The following PCOLCE2 variants were observed in gnomAD, a reference collection of about 807,000 sequenced individuals.
PCOLCE2 encodes procollagen C-proteinase enhancer 2.
Under a neutral mutation model 47.0 loss-of-function variants are expected in PCOLCE2, and 42 were observed. That is an observed-to-expected ratio of 0.89 (90% confidence interval 0.70 to 1.16). The LOEUF (loss-of-function observed/expected upper bound fraction) is 1.16. Ranked by LOEUF, PCOLCE2 falls within the 50% of genes most tolerant of loss-of-function variation. The pLI is 0.00. For synonymous variants in PCOLCE2, 169 were observed against 191.7 expected, an observed-to-expected ratio of 0.88 and a Z score of 0.98; for missense variants, 500 against 526.1, an observed-to-expected ratio of 0.95 and a Z score of 0.49.
At chr3:142,834,188 A>G (rs1461608784) in intron 5 of PCOLCE2, among the ~76,000 whole-genome samples, 1 of 152,164 alleles carries the variant, frequency 6.6e-6, no homozygotes, top group Non-Finnish European at 1.5e-5. Context: ...TGTCTTAATT[A>G]CAACAGCTTT....
intron 2 of PCOLCE2, among the ~76,000 whole-genome samples, chr3:142,883,659 T>C (rs1933668493): frequency 6.6e-6 from 1 of 151,360 alleles, no homozygotes; most frequent in Non-Finnish European, 1.5e-5. Flanking sequence ...CCTCAGGTGA[T>C]CCACCTGCCT....
intron 2 of PCOLCE2, among the ~76,000 whole-genome samples, chr3:142,881,224 A>G (rs1414830640): frequency 6.6e-6 from 1 of 152,198 alleles, no homozygotes; most frequent in Non-Finnish European, 1.5e-5. Flanking sequence ...CCTGAGTCAG[A>G]AAGTTGTGTG....
intron 2 of PCOLCE2, among the ~76,000 whole-genome samples, chr3:142,881,671 T>C (rs929673925): frequency 1.3e-5 from 2 of 152,198 alleles, no homozygotes; most frequent in African/African-American, 4.8e-5. Flanking sequence ...AATATTTGTG[T>C]ATCTAAACAC....
intron 2 of PCOLCE2, among the ~76,000 whole-genome samples, chr3:142,851,720 G>A (rs1356043741): frequency 6.6e-6 from 1 of 152,174 alleles, no homozygotes; most frequent in African/African-American, 2.4e-5. Context: ...GACAGTGACA[G>A]TGAACCAGGA....
intron 2 of PCOLCE2, among the ~76,000 whole-genome samples, chr3:142,886,540 G>T (rs1933720988): frequency 6.6e-6 from 1 of 152,090 alleles, no homozygotes; most frequent in African/African-American, 2.4e-5. Context: ...GACATGGTTG[G>T]CATTTTACAA....
At chr3:142,827,057 T>C in intron 6 of PCOLCE2, 1 of 1,096,566 alleles carries the variant, frequency 9.1e-7, no homozygotes, top group South Asian at 1.3e-5. Flanking sequence ...CTCTTACTTT[T>C]TTTTGGCATA....
intron 5 of PCOLCE2, among the ~76,000 whole-genome samples, chr3:142,832,042 G>A (rs922148199): frequency 2.0e-4 from 30 of 152,290 alleles, no homozygotes; most frequent in African/African-American, 6.7e-4. Context: ...TCCCAAGAAC[G>A]GACTGAGATG....
chr3:142,874,582 C>A (rs1242055425), intron 2 of PCOLCE2, among the ~76,000 whole-genome samples: 1 of 152,210 alleles, frequency 6.6e-6, no homozygotes, highest in Non-Finnish European at 1.5e-5. Flanking sequence ...ACTAATACAT[C>A]TCCTTTTACC....
intron 2 of PCOLCE2, among the ~76,000 whole-genome samples, chr3:142,855,574 GATGCTCCC>G: frequency 6.6e-6 from 1 of 152,230 alleles, no homozygotes; most frequent in East Asian, 1.9e-4. Flanking sequence ...AGGCTGAGGA[GATGCTCCC>G]AAACCTTGTT....
chr3:142,881,750 G>A (rs1044732369), intron 2 of PCOLCE2, among the ~76,000 whole-genome samples: 7 of 152,078 alleles, frequency 4.6e-5, no homozygotes, highest in Non-Finnish European at 8.8e-5. Context: ...GGTAGTCATT[G>A]ACTGAAATAT....
At chr3:142,866,882 C>T (rs1933293145) in intron 2 of PCOLCE2, among the ~76,000 whole-genome samples, 1 of 152,214 alleles carries the variant, frequency 6.6e-6, no homozygotes, top group South Asian at 2.1e-4. Flanking sequence ...TATGTAAATG[C>T]AGGCAGCTAA....
intron 2 of PCOLCE2, among the ~76,000 whole-genome samples, chr3:142,876,219 G>A (rs949300428): frequency 6.6e-6 from 1 of 152,206 alleles, no homozygotes; most frequent in Non-Finnish European, 1.5e-5. Flanking sequence ...CCCAGGATGT[G>A]AAACAGGCCA....
rs191663350 is a variant in PCOLCE2, at chr3:142,877,805, C to T, written c.192+9864G>A. 5.3e-5 allele frequency among the ~76,000 whole-genome samples: 8 copies of T among 152,304 alleles called. No individual in the cohort carries two copies. In the East Asian group the frequency reaches 1.5e-3, roughly 29 times the overall value. On this transcript the variant is annotated intron_variant, in intron 2 of 8. Coordinates refer to ENST00000295992, the MANE Select transcript of PCOLCE2 (RefSeq NM_013363.4). ...CCACTGTTCATTGTTTCTGGGACAT[C>T]TCCCCAATGAGTAAGAGCCTCCTTA...
chr3:142,869,073 C>T (rs545657502), intron 2 of PCOLCE2, among the ~76,000 whole-genome samples: 196 of 151,988 alleles, frequency 1.3e-3, no homozygotes, highest in African/African-American at 4.6e-3. Flanking sequence ...AGGTGGATCA[C>T]GAGGTCAGGA....
intron 2 of PCOLCE2, among the ~76,000 whole-genome samples, chr3:142,861,727 A>C (rs1193074877): frequency 6.6e-6 from 1 of 152,156 alleles, no homozygotes; most frequent in Non-Finnish European, 1.5e-5. Context: ...GGCTTTCCTC[A>C]AATGTCTAGT....
At chr3:142,849,877 A>C (rs898538820) in intron 2 of PCOLCE2, among the ~76,000 whole-genome samples, 5 of 152,232 alleles carry the variant, frequency 3.3e-5, no homozygotes, top group Non-Finnish European at 5.9e-5. Flanking sequence ...TGGTAAGTAC[A>C]GTGCCATACG....
At chr3:142,863,362 G>A (rs943230674) in intron 2 of PCOLCE2, among the ~76,000 whole-genome samples, 2 of 152,194 alleles carry the variant, frequency 1.3e-5, no homozygotes, top group African/African-American at 4.8e-5. Context: ...GGTGTCATAA[G>A]TTTGCTTTTG....
intron 2 of PCOLCE2, among the ~76,000 whole-genome samples, chr3:142,878,057 G>A (rs1213006482): frequency 2.0e-5 from 3 of 152,142 alleles, no homozygotes; most frequent in African/African-American, 7.2e-5. Context: ...AATTGCCCCT[G>A]GGTTCCCTGT....
intron 2 of PCOLCE2, among the ~76,000 whole-genome samples, chr3:142,851,815 T>C (rs1454717056): frequency 6.6e-6 from 1 of 152,184 alleles, no homozygotes; most frequent in Non-Finnish European, 1.5e-5. Flanking sequence ...GGTATAATCA[T>C]GTTTCATTGG....
Sources: allele counts gnomAD v4.1 joint callset (sites outside exome capture counted in the v4.1 genomes callset), GRCh38; gene constraint gnomAD v4.1.1; transcripts MANE v1.5; gene names NCBI Gene and HGNC (gene_info 2026-07-23, HGNC 2026-07-21).